ZCCHC7: variants seen among roughly 807,000 people sequenced by gnomAD.
The protein encoded by ZCCHC7 is zinc finger CCHC domain-containing protein 7.
ZCCHC7 carries 35 observed loss-of-function variants against 52.0 expected under a neutral mutation model. The ratio of observed to expected loss-of-function variants is 0.67; its 90% CI spans 0.51 to 0.89. The LOEUF is 0.89. Among genes scored for constraint, ZCCHC7 ranks in the 40% least tolerant of loss-of-function variants. The probability of loss-of-function intolerance (pLI) is 0.00; values close to 1 mark genes in which losing one functional copy is unlikely to be tolerated. For synonymous variants in ZCCHC7, 217 were observed against 221.5 expected, an observed-to-expected ratio of 0.98 and a Z score of 0.18; for missense variants, 574 against 649.1, an observed-to-expected ratio of 0.88 and a Z score of 1.26.
chr9:37,124,273 T>A (rs778685772), intron 1 of ZCCHC7, among the ~76,000 whole-genome samples: 8 of 152,108 alleles, frequency 5.3e-5, no homozygotes, highest in Non-Finnish European at 1.2e-4. Context: ...CAGTACCTAA[T>A]GGAAACATCT....
chr9:37,287,672 T>C (rs1828318984), intron 2 of ZCCHC7, among the ~76,000 whole-genome samples: 1 of 152,224 alleles, frequency 6.6e-6, no homozygotes, highest in South Asian at 2.1e-4. Flanking sequence ...TACATATTTA[T>C]GTGTTTTTAC....
At chr9:37,336,831 C>A (rs528055585) in intron 6 of ZCCHC7, among the ~76,000 whole-genome samples, 20 of 152,204 alleles carry the variant, frequency 1.3e-4, no homozygotes, top group African/African-American at 3.9e-4. Flanking sequence ...TGTCTCCATG[C>A]CTTCATCCCT....
At chr9:37,220,327 G>C (rs924818166) in intron 2 of ZCCHC7, among the ~76,000 whole-genome samples, 1 of 152,088 alleles carries the variant, frequency 6.6e-6, no homozygotes, top group East Asian at 1.9e-4. Flanking sequence ...GATTACTTGA[G>C]GTCAGGAGTT....
At chr9:37,147,667 A>G (rs1399879766) in intron 2 of ZCCHC7, among the ~76,000 whole-genome samples, 3 of 152,066 alleles carry the variant, frequency 2.0e-5, no homozygotes, top group South Asian at 2.1e-4. Context: ...AGATATGTCA[A>G]TCATATTAGG....
chr9:37,336,920 C>T (rs1275668094), intron 6 of ZCCHC7, among the ~76,000 whole-genome samples: 1 of 152,128 alleles, frequency 6.6e-6, no homozygotes, highest in African/African-American at 2.4e-5. Context: ...ATTTGTCCAT[C>T]ATTGTTTGGG....
intron 2 of ZCCHC7, among the ~76,000 whole-genome samples, chr9:37,262,100 G>A (rs1303159899): frequency 1.3e-5 from 2 of 152,046 alleles, no homozygotes; most frequent in East Asian, 1.9e-4. Context: ...GTTGACAATA[G>A]CAATCTGTAT....
Position 37,336,769 on chromosome 9 carries a change from T to G in ZCCHC7, c.987+8935T>G, listed in dbSNP as rs146250739. Among the ~76,000 whole-genome samples, 672 of 152,282 alleles carry G rather than the reference T, an allele frequency of 4.4e-3. 4 individuals carry two copies. The highest frequency in any genetic ancestry group is 0.014 in the Middle Eastern group (4 of 294). The stretch of plus-strand genomic sequence containing the variant: ...GCCCAATAAACATTCAGATAAAATG[T>G]CCATGGATTTACACATTTATGTGTT... On this transcript the variant is annotated intron_variant, in intron 6 of 8. Coordinates refer to ENST00000336755, the MANE Select transcript of ZCCHC7 (RefSeq NM_032226.3).
intron 2 of ZCCHC7, among the ~76,000 whole-genome samples, chr9:37,216,172 T>C (rs1824493213): frequency 6.6e-6 from 1 of 152,216 alleles, no homozygotes; most frequent in African/African-American, 2.4e-5. Flanking sequence ...CGAGGTCATA[T>C]AGCATTTTCT....
chr9:37,295,728 A>G (rs141802112), intron 2 of ZCCHC7, among the ~76,000 whole-genome samples: 158 of 152,300 alleles, frequency 1.0e-3, no homozygotes, highest in African/African-American at 3.6e-3. Context: ...TCTTTAAGGA[A>G]GAGAAAATAA....
chr9:37,197,071 T>C (rs1823327595), intron 2 of ZCCHC7, among the ~76,000 whole-genome samples: 1 of 152,212 alleles, frequency 6.6e-6, no homozygotes. Flanking sequence ...TTGTGTGTTA[T>C]GAAGAAAAGG....
At chr9:37,336,942 G>T in intron 6 of ZCCHC7, among the ~76,000 whole-genome samples, 1 of 152,186 alleles carries the variant, frequency 6.6e-6, no homozygotes, top group South Asian at 2.1e-4. Flanking sequence ...TCCAAACAGT[G>T]GTAAGATACC....
intron 2 of ZCCHC7, among the ~76,000 whole-genome samples, chr9:37,280,060 G>T (rs576241132): frequency 6.6e-6 from 1 of 151,938 alleles, no homozygotes; most frequent in Admixed American, 6.6e-5. Flanking sequence ...AGAATGGCGC[G>T]AACCCGGGAG....
At chr9:37,209,292 G>A (rs960752767) in intron 2 of ZCCHC7, among the ~76,000 whole-genome samples, 2 of 151,758 alleles carry the variant, frequency 1.3e-5, no homozygotes, top group Non-Finnish European at 2.9e-5. Flanking sequence ...TGCCCACCTC[G>A]GCCTCCCACA....
intron 1 of ZCCHC7, among the ~76,000 whole-genome samples, chr9:37,124,196 T>G (rs1842444117): frequency 6.6e-6 from 1 of 152,170 alleles, no homozygotes; most frequent in Admixed American, 6.5e-5. Context: ...TTATTGCTCT[T>G]TAGGCTGTCC....
At chr9:37,246,123 G>A (rs1039413944) in intron 2 of ZCCHC7, among the ~76,000 whole-genome samples, 1 of 152,114 alleles carries the variant, frequency 6.6e-6, no homozygotes, top group African/African-American at 2.4e-5. Context: ...TAAAGAGACT[G>A]ATTCCTTTCT....
chr9:37,177,638 AAGAC>A (rs1378242912), intron 2 of ZCCHC7, among the ~76,000 whole-genome samples: 1 of 152,192 alleles, frequency 6.6e-6, no homozygotes, highest in Non-Finnish European at 1.5e-5. Flanking sequence ...AGAACACAAT[AAGAC>A]AGGCAATTAA....
At chr9:37,146,752 T>G (rs895134281) in intron 2 of ZCCHC7, among the ~76,000 whole-genome samples, 1 of 151,912 alleles carries the variant, frequency 6.6e-6, no homozygotes, top group Admixed American at 6.6e-5. Context: ...TAAGGACAGA[T>G]TTAAAAATTT....
At chr9:37,180,059 C>T (rs1201297552) in intron 2 of ZCCHC7, among the ~76,000 whole-genome samples, 1 of 151,850 alleles carries the variant, frequency 6.6e-6, no homozygotes, top group African/African-American at 2.4e-5. Flanking sequence ...TATTTTTTTT[C>T]CCCTGCACTT....
rs869292704 is a variant in ZCCHC7 at position 37,306,762 on chromosome 9, C to CTTT, written c.951+1088_951+1090dup. 1.1e-3 allele frequency among the ~76,000 whole-genome samples: 56 copies of CTTT among 52,028 alleles called. 14 individuals are homozygous for CTTT. The highest frequency in any genetic ancestry group is 1.6e-3 in the Non-Finnish European group (42 of 26,716). 34.1% of individuals were successfully genotyped at this position (52,028 alleles called of 152,430 possible). A position where few individuals can be genotyped will look rare whatever the true frequency, so the allele number is the denominator to read the frequency against. On this transcript the variant is annotated intron_variant, in intron 5 of 8. Transcript: ENST00000336755. Reference sequence around the variant, plus strand: ...ACAGGCATGAGCCACTGTACCCGACCTTTTTTTTTTTTTTTTTTTTTTTTT... The same window carrying CTTT: ...ACAGGCATGAGCCACTGTACCCGACCTTTTTTTTTTTTTTTTTTTTTTTTTTTT...
Sources: gnomAD v4.1 joint callset for allele counts (sites outside exome capture counted in the v4.1 genomes callset) on GRCh38, gnomAD v4.1.1 for gene constraint, MANE v1.5 for transcripts, NCBI Gene and HGNC (gene_info 2026-07-23, HGNC 2026-07-21) for gene names.